Variants in MCCC2 observed in about 807,000 individuals in gnomAD.
MCCC2 encodes methylcrotonoyl-CoA carboxylase beta chain, mitochondrial.
In MCCC2, 52 loss-of-function variants were observed where a neutral mutation model predicts 77.2. The ratio of observed to expected loss-of-function variants is 0.67; its 90% CI spans 0.54 to 0.85. The LOEUF is 0.85. Among genes scored for constraint, MCCC2 ranks in the 40% least tolerant of loss-of-function variants. The pLI is 0.00. For missense variants in MCCC2, 682 were observed against 703.2 expected (o/e 0.97, Z 0.34); for synonymous variants, 253 against 248.4 (o/e 1.02, Z -0.18).
chr5:71,650,609 T>G (rs1057440386), intron 15 of MCCC2, among the ~76,000 whole-genome samples: 3 of 152,010 alleles, frequency 2.0e-5, no homozygotes, highest in African/African-American at 7.2e-5. Flanking sequence ...GGATTACAGG[T>G]GTGTGCCACC....
intron 7 of MCCC2, among the ~76,000 whole-genome samples, chr5:71,627,099 C>G (rs1165075296): frequency 6.6e-6 from 1 of 152,120 alleles, no homozygotes; most frequent in African/African-American, 2.4e-5. Context: ...AATATCTGTC[C>G]TTTTGTGATA....
chr5:71,656,635 A>C lies in MCCC2; in HGVS notation c.1575-108A>C, dbSNP rs111911756. 5.7e-4 allele frequency: 476 copies of C among 833,530 alleles called. 3 individuals are homozygous for C. The African/African-American group carries it at 6.2e-3, about 11-fold the overall frequency. 51.6% of individuals were successfully genotyped at this position (833,530 alleles called of 1,614,324 possible). A position where few individuals can be genotyped will look rare whatever the true frequency, so the allele number is the denominator to read the frequency against. Reference sequence around the variant, plus strand: ...ATGGTACATGGATGCTAATCAGTAGATCCATATATTACCTGAAGGAAAACT... The same window carrying C: ...ATGGTACATGGATGCTAATCAGTAGCTCCATATATTACCTGAAGGAAAACT... On this transcript the variant is annotated intron_variant, in intron 16 of 16. Coordinates refer to ENST00000340941, the MANE Select transcript of MCCC2 (RefSeq NM_022132.5).
chr5:71,605,893 G>A lies in MCCC2; in HGVS notation c.624+1425G>A, dbSNP rs376111220. On this transcript the variant is annotated intron_variant, in intron 6 of 16. Coordinates refer to ENST00000340941, the MANE Select transcript of MCCC2 (RefSeq NM_022132.5). ...TGTCAAAGATAAGATGTAGGTATGC[G>A]GCGTTATTTCTGAGGGCTCTGTTCT... Among the ~76,000 whole-genome samples, 15 of 152,192 alleles carry A rather than the reference G, an allele frequency of 9.9e-5. No individual in the cohort carries two copies. The South Asian group carries it at 1.2e-3, about 13-fold the overall frequency.
intron 16 of MCCC2, 128 bp from the exon 17 acceptor site, chr5:71,656,615 A>G: frequency 1.3e-6 from 1 of 788,104 alleles, no homozygotes; most frequent in Non-Finnish European, 2.3e-6. Flanking sequence ...AGATTATGGT[A>G]CATGGATGCT....
intron 10 of MCCC2, among the ~76,000 whole-genome samples, chr5:71,637,085 C>T (rs533435008): frequency 3.4e-4 from 52 of 152,292 alleles, no homozygotes; most frequent in African/African-American, 1.1e-3. Context: ...AAAGTTATAG[C>T]TTTTAAGTTC....
chr5:71,620,163 G>T (rs759661749), intron 6 of MCCC2, among the ~76,000 whole-genome samples: 4 of 152,234 alleles, frequency 2.6e-5, no homozygotes, highest in Middle Eastern at 3.4e-3. Flanking sequence ...TATCCAGTTG[G>T]CATAGGTAAG....
intron 6 of MCCC2, among the ~76,000 whole-genome samples, chr5:71,618,523 TCC>T (rs1392043282): frequency 0.02 from 1,298 of 65,944 alleles, 29 homozygotes; most frequent in African/African-American, 0.047. Flanking sequence ...CTTCCTTCCT[TCC>T]TTCCTTCCTT....
At chr5:71,645,199 C>T (rs1747243652) in intron 12 of MCCC2, among the ~76,000 whole-genome samples, 1 of 152,136 alleles carries the variant, frequency 6.6e-6, no homozygotes, top group African/African-American at 2.4e-5. Context: ...TATGTTTGGC[C>T]TCAGCCTGAC....
chr5:71,653,850 C>CA lies in MCCC2; in HGVS notation c.1574+1113dup, dbSNP rs33938603. Among the ~76,000 whole-genome samples, 980 of 122,604 alleles carry CA rather than the reference C, an allele frequency of 8.0e-3. 14 individuals carry two copies. The highest frequency in any genetic ancestry group is 0.028 in the African/African-American group (895 of 32,174). The allele number at this position is 122,604 out of a possible 152,430, so 80.4% of individuals were successfully genotyped here. On this transcript the variant is annotated intron_variant, in intron 16 of 16. Transcript: ENST00000340941. ...TGGGTGACAGAACAAGGCCCTATCT[C>CA]AAAAAAAAAAAAAAAAAGCAAAAGT...
chr5:71,629,297 A>G (rs1422882200), intron 7 of MCCC2, among the ~76,000 whole-genome samples: 1 of 152,156 alleles, frequency 6.6e-6, no homozygotes, highest in Non-Finnish European at 1.5e-5. Context: ...GGAGGCAGAA[A>G]GTAGATTAGT....
intron 4 of MCCC2, among the ~76,000 whole-genome samples, chr5:71,601,692 A>G (rs1745441361): frequency 6.6e-6 from 1 of 152,216 alleles, no homozygotes. Flanking sequence ...TGTAGGCAGC[A>G]TAAAGTGAGG....
chr5:71,599,219 A>T (rs1235351947), intron 3 of MCCC2, among the ~76,000 whole-genome samples: 2 of 152,032 alleles, frequency 1.3e-5, no homozygotes, highest in South Asian at 2.1e-4. Context: ...AAATACAAAA[A>T]ATTAGCTGGT....
In MCCC2 at chr5:71,608,554, T is replaced by C. The variant is rs544637144; in HGVS notation, c.624+4086T>C. Among the ~76,000 whole-genome samples the C allele has an allele frequency of 6.3e-3, 958 of 151,422 alleles. 13 individuals are homozygous for C. The highest frequency in any genetic ancestry group is 0.022 in the African/African-American group (911 of 41,198). ...CAGTTTGCCAGTCTGTGTCTTTTAA[T>C]TGGAGCATTTAGTCCATTTACATTT... On this transcript the variant is annotated intron_variant, in intron 6 of 16. Coordinates refer to ENST00000340941, the MANE Select transcript of MCCC2 (RefSeq NM_022132.5).
chr5:71,603,405 G>C (rs1745524702), intron 5 of MCCC2, among the ~76,000 whole-genome samples: 1 of 100,022 alleles, frequency 1.0e-5, no homozygotes, highest in South Asian at 4.2e-4. Flanking sequence ...GACAGAGAGA[G>C]AGACTGTCTC....
At chr5:71,655,936 C>G (rs951968686) in intron 16 of MCCC2, among the ~76,000 whole-genome samples, 1 of 152,076 alleles carries the variant, frequency 6.6e-6, no homozygotes, top group Non-Finnish European at 1.5e-5. Context: ...TGAAGCTGGC[C>G]GGGTGTGGTG....
At chr5:71,643,719 T>G in intron 11 of MCCC2, 100 bp from the exon 12 acceptor site, 2 of 1,609,364 alleles carry the variant, frequency 1.2e-6, no homozygotes, top group Non-Finnish European at 1.7e-6. Context: ...ATTTTAAACT[T>G]GGATCTGATA....
intron 13 of MCCC2, among the ~76,000 whole-genome samples, chr5:71,648,601 C>T (rs886947529): frequency 6.6e-6 from 1 of 152,222 alleles, no homozygotes; most frequent in African/African-American, 2.4e-5. Context: ...CATCACAGCA[C>T]TTTGTCCTTA....
chr5:71,597,802 G>A (rs1050417211), intron 3 of MCCC2, among the ~76,000 whole-genome samples: 8 of 152,072 alleles, frequency 5.3e-5, no homozygotes, highest in Admixed American at 1.3e-4. Context: ...AAATGAAATC[G>A]TACTAAATTT....
chr5:71,644,086 T>C (rs1747214800), intron 12 of MCCC2, among the ~76,000 whole-genome samples, 191 bp downstream of exon 12: 1 of 150,178 alleles, frequency 6.7e-6, no homozygotes, highest in Non-Finnish European at 1.5e-5. Flanking sequence ...CGTGTGTATA[T>C]ATGTGCATGT....
Sources: allele counts gnomAD v4.1 joint callset (sites outside exome capture counted in the v4.1 genomes callset), GRCh38; gene constraint gnomAD v4.1.1; transcripts MANE v1.5; gene names NCBI Gene and HGNC (gene_info 2026-07-23, HGNC 2026-07-21).